Variants in RTN4 observed in about 807,000 individuals in gnomAD.
RTN4 encodes the protein reticulon-4.
In RTN4, 32 loss-of-function variants were observed where a neutral mutation model predicts 90.4. The ratio of observed to expected loss-of-function variants is 0.35; its 90% CI spans 0.27 to 0.48. The LOEUF is 0.48. RTN4 is among the 20% of genes least tolerant of loss of function. RTN4 has a pLI of 0.99. For synonymous variants in RTN4, 629 were observed against 552.5 expected (o/e 1.14, Z -1.94); for missense variants, 1,706 against 1,430.2 (o/e 1.19, Z -3.11).
chr2:55,013,140 A>C (rs1322290403), intron 3 of RTN4, among the ~76,000 whole-genome samples: 1 of 152,162 alleles, frequency 6.6e-6, no homozygotes, highest in African/African-American at 2.4e-5. Context: ...TTTATACTGC[A>C]AGCCAATAAA....
intron 1 of RTN4, among the ~76,000 whole-genome samples, chr2:55,097,366 G>T (rs1667761794): frequency 6.6e-6 from 1 of 151,956 alleles, no homozygotes; most frequent in Non-Finnish European, 1.5e-5. Flanking sequence ...CTGGGGTTGG[G>T]GGGAAAGCCT....
upstream of RTN4, among the ~76,000 whole-genome samples, chr2:55,052,938 C>T (rs1322437393): frequency 6.6e-6 from 1 of 152,090 alleles, no homozygotes; most frequent in Non-Finnish European, 1.5e-5. Context: ...TATGATATTT[C>T]TGCATTCATA....
the RTN4 span, among the ~76,000 whole-genome samples, chr2:55,133,701 C>G: frequency 1.3e-5 from 2 of 152,142 alleles, no homozygotes; most frequent in African/African-American, 4.8e-5. Flanking sequence ...CCATAAATAG[C>G]TCTCACCGTC....
chr2:55,114,652 T>C (rs1280933268), upstream of RTN4, among the ~76,000 whole-genome samples: 2 of 152,154 alleles, frequency 1.3e-5, no homozygotes, highest in East Asian at 1.9e-4. Flanking sequence ...TGAGCCAAGA[T>C]TGCGGCACTG....
At chr2:54,976,118 GAA>G (rs1326969760) in intron 5 of RTN4, among the ~76,000 whole-genome samples, 2 of 152,142 alleles carry the variant, frequency 1.3e-5, no homozygotes, top group Admixed American at 6.5e-5. Flanking sequence ...AGTCTAAAGG[GAA>G]AAGTGTTGAC....
Position 55,072,448 on chromosome 2 carries a change from CT to C in RTN4, c.-63+8040del, listed in dbSNP as rs559055787. ...GTTTCACTGCGTTAGCCAGGATGGTCTCGATCTCCTGACCTCGTGATCCGCC... is the reference window on the plus strand; with the variant it reads ...GTTTCACTGCGTTAGCCAGGATGGTCCGATCTCCTGACCTCGTGATCCGCC... On this transcript the variant is annotated intron_variant, in intron 2 of 3. Coordinates refer to the RTN4 transcript ENST00000427710. Among the ~76,000 whole-genome samples the C allele has an allele frequency of 3.3e-4, 50 of 152,252 alleles. No homozygotes were observed. In the East Asian group the frequency reaches 9.3e-3, roughly 28 times the overall value.
intron 1 of RTN4, among the ~76,000 whole-genome samples, chr2:55,038,996 C>T (rs1682880342): frequency 6.6e-6 from 1 of 152,166 alleles, no homozygotes; most frequent in East Asian, 1.9e-4. Flanking sequence ...TAGCCAAGCA[C>T]AAAATGTATG....
Position 55,082,295 on chromosome 2 carries a change from C to T in RTN4, c.-213-1656G>A, listed in dbSNP as rs146638916. 5.9e-5 allele frequency among the ~76,000 whole-genome samples: 9 copies of T among 152,256 alleles called. No homozygotes were observed. In the East Asian group the frequency reaches 9.6e-4, roughly 16 times the overall value. On this transcript the variant is annotated intron_variant, in intron 1 of 3. Coordinates refer to the RTN4 transcript ENST00000427710. ...CCATAGAAACGATCATATATCACCT[C>T]GGCAATTGTTTTGTAAGTACTCAGA...
At chr2:54,983,163 C>T (rs1174826301) in intron 4 of RTN4, among the ~76,000 whole-genome samples, 2 of 150,388 alleles carry the variant, frequency 1.3e-5, no homozygotes, top group Non-Finnish European at 3.0e-5. Context: ...CTCAGACTAA[C>T]CTTTAGGGGA....
chr2:55,076,111 C>T (rs72914504), intron 2 of RTN4, among the ~76,000 whole-genome samples: 2,722 of 152,180 alleles, frequency 0.018, 82 homozygotes, highest in African/African-American at 0.063. Flanking sequence ...AGCTCCTGCA[C>T]AGCAAAAGAA....
At chr2:55,094,249 T>C (rs144703916) in intron 1 of RTN4, among the ~76,000 whole-genome samples, 22 of 152,322 alleles carry the variant, frequency 1.4e-4, no homozygotes, top group African/African-American at 5.3e-4. Context: ...AAGGCAGCTG[T>C]CTGCAAGCCA....
upstream of RTN4, among the ~76,000 whole-genome samples, chr2:55,052,237 G>A (rs1460142526): frequency 6.6e-6 from 1 of 152,136 alleles, no homozygotes; most frequent in Admixed American, 6.5e-5. Context: ...ATCAATATCA[G>A]TTCATCAGTT....
the RTN4 span, among the ~76,000 whole-genome samples, chr2:55,119,785 C>T: frequency 6.6e-6 from 1 of 152,280 alleles, no homozygotes; most frequent in South Asian, 2.1e-4. Context: ...GTTTCCACAA[C>T]CACCTCCTCC....
the RTN4 span, among the ~76,000 whole-genome samples, chr2:55,133,582 G>A: frequency 2.6e-5 from 4 of 152,138 alleles, no homozygotes; most frequent in African/African-American, 7.2e-5. Flanking sequence ...AGGCTGTAAG[G>A]TACCCTTGAG....
At chr2:55,038,717 T>C (rs1213669904) in intron 1 of RTN4, among the ~76,000 whole-genome samples, 5 of 152,346 alleles carry the variant, frequency 3.3e-5, no homozygotes, top group African/African-American at 9.6e-5. Flanking sequence ...TAAAGTTAAA[T>C]ATATAGTTAC....
intron 1 of RTN4, among the ~76,000 whole-genome samples, chr2:55,101,206 T>C (rs1218921412): frequency 6.6e-6 from 1 of 152,092 alleles, no homozygotes; most frequent in Non-Finnish European, 1.5e-5. Context: ...TAATAGGGAT[T>C]ATCTCCAGGG....
intron 2 of RTN4, among the ~76,000 whole-genome samples, chr2:55,072,393 C>G (rs1028955240): frequency 6.6e-6 from 1 of 152,072 alleles, no homozygotes; most frequent in Non-Finnish European, 1.5e-5. Context: ...CCATGCCCAG[C>G]TGATTTTTTG....
intron 2 of RTN4, among the ~76,000 whole-genome samples, chr2:55,058,455 C>A (rs1168900891): frequency 6.6e-6 from 1 of 152,178 alleles, no homozygotes; most frequent in African/African-American, 2.4e-5. Context: ...TTTACCCATA[C>A]GAAATTTCCA....
chr2:55,034,876 A>G (rs1265815207), intron 1 of RTN4, among the ~76,000 whole-genome samples: 3 of 152,210 alleles, frequency 2.0e-5, no homozygotes, highest in Non-Finnish European at 4.4e-5. Flanking sequence ...ATAGTATATG[A>G]AAGTATGTTT....
Sources: gnomAD v4.1 joint callset for allele counts (sites outside exome capture counted in the v4.1 genomes callset) on GRCh38, gnomAD v4.1.1 for gene constraint, MANE v1.5 for transcripts, NCBI Gene and HGNC (gene_info 2026-07-23, HGNC 2026-07-21) for gene names.